Variants in DOCK1 observed in about 807,000 individuals in gnomAD.
DOCK1 encodes dedicator of cytokinesis protein 1.
In DOCK1, 138 loss-of-function variants were observed where a neutral mutation model predicts 262.7. The observed-to-expected ratio is 0.53, with a 90% CI of 0.46 to 0.61. The LOEUF (loss-of-function observed/expected upper bound fraction) is 0.61, where lower values mean the gene tolerates loss of function less well. DOCK1 is among the 20% of genes least tolerant of loss of function. DOCK1 has a pLI of 0.00. For synonymous variants in DOCK1, 866 were observed against 867.4 expected (o/e 1.00, Z 0.03); for missense variants, 1,908 against 2,370.7 (o/e 0.80, Z 4.05).
chr10:127,045,385 G>A (rs1052469012), intron 21 of DOCK1, among the ~76,000 whole-genome samples: 2 of 152,062 alleles, frequency 1.3e-5, no homozygotes, highest in African/African-American at 4.8e-5. Context: ...AGTCAGTGGC[G>A]ACTGAGATAG....
rs551755366 is a variant in DOCK1 at position 127,433,018 on chromosome 10, C to T, written c.4915-265C>T. On this transcript the variant is annotated intron_variant, in intron 47 of 51. Coordinates refer to ENST00000623213, the MANE Select transcript of DOCK1 (RefSeq NM_001290223.2). ...GGCTTTGGAATGTGTTGACGCATCG[C>T]GGTCTTTGAAGAAAACTTGCACTGT... Among the ~76,000 whole-genome samples the T allele has an allele frequency of 5.9e-5, 9 of 152,316 alleles. No homozygotes were observed. In the South Asian group the frequency reaches 6.2e-4, roughly 11 times the overall value.
chr10:127,117,527 T>G (rs1173776577), intron 25 of DOCK1, among the ~76,000 whole-genome samples: 2 of 152,236 alleles, frequency 1.3e-5, no homozygotes, highest in Admixed American at 6.5e-5. Flanking sequence ...TATACAGTGT[T>G]GTGCTTATAT....
intron 23 of DOCK1, among the ~76,000 whole-genome samples, chr10:127,068,817 T>A (rs1416898712): frequency 6.6e-6 from 1 of 152,090 alleles, no homozygotes. Context: ...ACACACACAC[T>A]TTTACAGTGT....
chr10:127,216,184 G>C (rs2058201178), intron 27 of DOCK1, among the ~76,000 whole-genome samples: 1 of 152,018 alleles, frequency 6.6e-6, no homozygotes, highest in African/African-American at 2.4e-5. Flanking sequence ...CCACGTCCTG[G>C]AGCTGCTTTA....
intron 27 of DOCK1, among the ~76,000 whole-genome samples, chr10:127,147,677 A>ATATT (rs1448962123): frequency 2.6e-5 from 4 of 151,638 alleles, no homozygotes; most frequent in African/African-American, 7.3e-5. Context: ...TTCAATTAAT[A>ATATT]CCCTTTAGGA....
At chr10:127,246,288 C>A (rs979946973) in intron 27 of DOCK1, among the ~76,000 whole-genome samples, 14 of 152,304 alleles carry the variant, frequency 9.2e-5, no homozygotes, top group African/African-American at 3.4e-4. Flanking sequence ...GAGAGTGAAA[C>A]CTCTAAGCCT....
chr10:127,029,824 A>G (rs7068941), intron 16 of DOCK1, among the ~76,000 whole-genome samples: 142,123 of 152,238 alleles, frequency 0.93, 66,347 homozygotes, highest in African/African-American at 0.96. Flanking sequence ...ATTGTCACAC[A>G]TCCTTCTGAA....
At chr10:127,327,118 TAACA>T (rs2062778292) in intron 29 of DOCK1, among the ~76,000 whole-genome samples, 1 of 152,206 alleles carries the variant, frequency 6.6e-6, no homozygotes, top group Non-Finnish European at 1.5e-5. Flanking sequence ...ATGTTCAGAA[TAACA>T]AATAAGCATT....
intron 44 of DOCK1, among the ~76,000 whole-genome samples, chr10:127,415,835 A>C (rs1199186269): frequency 6.6e-6 from 1 of 152,218 alleles, no homozygotes; most frequent in African/African-American, 2.4e-5. Flanking sequence ...CATGAACCAG[A>C]GTTGGGCTGC....
intron 29 of DOCK1, among the ~76,000 whole-genome samples, chr10:127,330,938 A>T (rs1320533394): frequency 2.0e-5 from 3 of 152,220 alleles, no homozygotes; most frequent in African/African-American, 7.2e-5. Context: ...AAGTTCAAAC[A>T]GAGGCCACGA....
In DOCK1 at chr10:127,242,977, T is replaced by A. The variant is rs79683516; in HGVS notation, c.2848-5031T>A. Reference sequence around the variant, plus strand: ...TCTGAGGCTGGGAACTGCCCAGAGATCCTTTGGAATTTAGAGAACTTAGAA... The same window carrying A: ...TCTGAGGCTGGGAACTGCCCAGAGAACCTTTGGAATTTAGAGAACTTAGAA... On this transcript the variant is annotated intron_variant, in intron 27 of 51. Transcript: ENST00000623213. Among the ~76,000 whole-genome samples, 3 of 152,086 alleles carry A rather than the reference T, an allele frequency of 2.0e-5. No individual in the cohort carries two copies. In the South Asian group the frequency reaches 6.2e-4, roughly 32 times the overall value.
intron 1 of DOCK1, among the ~76,000 whole-genome samples, chr10:126,919,316 C>T (rs2032929422): frequency 6.6e-6 from 1 of 152,176 alleles, no homozygotes; most frequent in Non-Finnish European, 1.5e-5. Context: ...GAGGCAAATA[C>T]CGATTTAGCA....
intron 27 of DOCK1, among the ~76,000 whole-genome samples, chr10:127,157,071 G>A (rs777827407): frequency 2.6e-5 from 4 of 152,222 alleles, no homozygotes; most frequent in African/African-American, 4.8e-5. Context: ...CGTGGGAGTG[G>A]CAGAAGGGCA....
chr10:126,940,641 T>C (rs2034914263), intron 1 of DOCK1, among the ~76,000 whole-genome samples: 1 of 152,176 alleles, frequency 6.6e-6, no homozygotes. Context: ...TGACCTCAAG[T>C]GATCCACCCA....
At chr10:127,016,750 AAC>A (rs1198702185) in intron 12 of DOCK1, among the ~76,000 whole-genome samples, 5 of 145,026 alleles carry the variant, frequency 3.4e-5, no homozygotes, top group South Asian at 2.2e-4. Flanking sequence ...CACACACACT[AAC>A]ACAGATATAA....
In DOCK1 at chr10:127,391,651, A is replaced by T. The variant is rs549335346; in HGVS notation, c.3927+6742A>T. Among the ~76,000 whole-genome samples, 96 of 152,016 alleles carry T rather than the reference A, an allele frequency of 6.3e-4. 1 individual carries two copies. Among genetic ancestry groups the T allele is most frequent in the Non-Finnish European group, 9.9e-4 (67 of 67,988 alleles). On this transcript the variant is annotated intron_variant, in intron 38 of 51. Transcript: ENST00000623213. The stretch of plus-strand genomic sequence containing the variant: ...TCCCCGCTGACAGACTGGCTCTAAG[A>T]TCTGCACCATCTTGACCCACTTCTA...
At chr10:126,960,745 T>TATATATATATATATAC (rs1429186588) in intron 1 of DOCK1, among the ~76,000 whole-genome samples, 148 of 115,504 alleles carry the variant, frequency 1.3e-3, no homozygotes, top group African/African-American at 3.9e-3. Flanking sequence ...TATATATATA[T>TATATATATATATATAC]ACACACACAC....
intron 27 of DOCK1, among the ~76,000 whole-genome samples, chr10:127,151,990 G>T (rs1311842896): frequency 4.8e-5 from 7 of 144,976 alleles, no homozygotes; most frequent in Admixed American, 1.4e-4. Context: ...AATTATTTCA[G>T]TTAGGTTAAA....
intron 32 of DOCK1, among the ~76,000 whole-genome samples, chr10:127,356,754 G>A (rs2064166081): frequency 6.6e-6 from 1 of 152,140 alleles, no homozygotes; most frequent in African/African-American, 2.4e-5. Context: ...ACCTGCCACA[G>A]TTGGGCTCTC....
Sources: gnomAD v4.1 joint callset for allele counts (sites outside exome capture counted in the v4.1 genomes callset) on GRCh38, gnomAD v4.1.1 for gene constraint, MANE v1.5 for transcripts, NCBI Gene and HGNC (gene_info 2026-07-23, HGNC 2026-07-21) for gene names.